Variants in SYNPO2 observed in about 807,000 individuals in gnomAD.
SYNPO2 encodes the protein synaptopodin 2.
SYNPO2 carries 56 observed loss-of-function variants against 85.0 expected under a neutral mutation model. The observed-to-expected ratio is 0.66, with a 90% CI of 0.53 to 0.82. The LOEUF (loss-of-function observed/expected upper bound fraction) is 0.82, where lower values mean the gene tolerates loss of function less well. Among genes scored for constraint, SYNPO2 ranks in the 40% least tolerant of loss-of-function variants. SYNPO2 has a pLI of 0.00. For synonymous variants in SYNPO2, 602 were observed against 591.1 expected (o/e 1.02, Z -0.27); for missense variants, 1,575 against 1,534.2 (o/e 1.03, Z -0.44).
At chr4:118,932,523 T>A (rs1416176791) in intron 1 of SYNPO2, among the ~76,000 whole-genome samples, 4 of 152,188 alleles carry the variant, frequency 2.6e-5, no homozygotes, top group Admixed American at 2.0e-4. Context: ...CTGATTTACA[T>A]TGGCCAACAA....
chr4:118,948,812 C>A (rs1397479845), intron 1 of SYNPO2, among the ~76,000 whole-genome samples: 1 of 152,152 alleles, frequency 6.6e-6, no homozygotes, highest in Non-Finnish European at 1.5e-5. Context: ...TAGGCCCCAC[C>A]TCCAGTTGGG....
At chr4:118,978,121 A>G (rs183180478) in intron 1 of SYNPO2, among the ~76,000 whole-genome samples, 1 of 152,316 alleles carries the variant, frequency 6.6e-6, no homozygotes, top group Non-Finnish European at 1.5e-5. Context: ...ATGGCTTATG[A>G]TGTCATAACT....
intron 1 of SYNPO2, among the ~76,000 whole-genome samples, chr4:118,862,538 G>A (rs187277859): frequency 6.6e-6 from 1 of 152,244 alleles, no homozygotes; most frequent in Admixed American, 6.5e-5. Context: ...ATCATGAAGG[G>A]ATGTTGAATT....
chr4:118,862,306 A>G (rs562644133), intron 1 of SYNPO2, among the ~76,000 whole-genome samples: 6 of 152,130 alleles, frequency 3.9e-5, no homozygotes, highest in African/African-American at 1.4e-4. Flanking sequence ...CCCTTCCAGT[A>G]TGGATGCTCT....
intron 1 of SYNPO2, among the ~76,000 whole-genome samples, chr4:118,892,081 C>G (rs1401155448): frequency 6.6e-6 from 1 of 151,928 alleles, no homozygotes; most frequent in Non-Finnish European, 1.5e-5. Context: ...CGATAAATAT[C>G]CTTATATTGA....
At chr4:119,028,954 A>G (rs992086651) in intron 3 of SYNPO2, among the ~76,000 whole-genome samples, 1 of 151,672 alleles carries the variant, frequency 6.6e-6, no homozygotes, top group Non-Finnish European at 1.5e-5. Context: ...AAAATTTTAA[A>G]TATTTTTATT....
chr4:119,034,344 C>A, intron 4 of SYNPO2: 2 of 975,580 alleles, frequency 2.1e-6, no homozygotes, highest in Non-Finnish European at 2.4e-6. Context: ...ATGGTAATGA[C>A]CCAGAAGTAT....
At chr4:118,958,561 AG>A in intron 1 of SYNPO2, among the ~76,000 whole-genome samples, 1 of 151,956 alleles carries the variant, frequency 6.6e-6, no homozygotes. Flanking sequence ...GCAATGGAGG[AG>A]GGGGGTCAAA....
intron 1 of SYNPO2, among the ~76,000 whole-genome samples, chr4:119,013,408 G>C (rs2149180265): frequency 6.6e-6 from 1 of 152,278 alleles, no homozygotes; most frequent in East Asian, 1.9e-4. Context: ...TTTACCTCAA[G>C]GGAGCATTTG....
intron 1 of SYNPO2, among the ~76,000 whole-genome samples, chr4:118,946,626 G>A (rs1734514277): frequency 6.6e-6 from 1 of 152,174 alleles, no homozygotes; most frequent in Non-Finnish European, 1.5e-5. Context: ...AGCAGTAACT[G>A]ATGATCCCTT....
At chr4:119,009,951 A>G (rs1737228754) in intron 1 of SYNPO2, among the ~76,000 whole-genome samples, 1 of 152,192 alleles carries the variant, frequency 6.6e-6, no homozygotes, top group Non-Finnish European at 1.5e-5. Flanking sequence ...AGGTGATTCC[A>G]TTGCTGATGG....
At chr4:119,017,719 A>G (rs1221123194) in intron 1 of SYNPO2, among the ~76,000 whole-genome samples, 2 of 152,166 alleles carry the variant, frequency 1.3e-5, no homozygotes, top group African/African-American at 4.8e-5. Flanking sequence ...TCAATAGATT[A>G]TAATAGTGGA....
chr4:118,879,073 C>T (rs1012309014), intron 1 of SYNPO2, among the ~76,000 whole-genome samples: 2 of 152,208 alleles, frequency 1.3e-5, no homozygotes, highest in Non-Finnish European at 2.9e-5. Flanking sequence ...GTAACACTCA[C>T]TGTTAAGGTG....
chr4:118,943,786 A>G (rs1439315539), intron 1 of SYNPO2, among the ~76,000 whole-genome samples: 1 of 152,250 alleles, frequency 6.6e-6, no homozygotes, highest in Non-Finnish European at 1.5e-5. Context: ...TCTGACTCTA[A>G]AGGCAATTTT....
At chr4:118,872,593 A>G (rs1731822325) in intron 1 of SYNPO2, among the ~76,000 whole-genome samples, 1 of 152,156 alleles carries the variant, frequency 6.6e-6, no homozygotes, top group South Asian at 2.1e-4. Context: ...TACGCAGATA[A>G]GACTTCTACA....
intron 1 of SYNPO2, among the ~76,000 whole-genome samples, chr4:119,004,796 C>T (rs887046250): frequency 3.4e-4 from 51 of 151,998 alleles, no homozygotes; most frequent in Admixed American, 5.9e-4. Context: ...CCTGAGGAAT[C>T]GCCACACTGA....
Position 118,858,641 on chromosome 4 carries a change from A to G in SYNPO2, c.12+7701A>G, listed in dbSNP as rs947747182. On this transcript the variant is annotated intron_variant, in intron 1 of 4. Coordinates refer to the SYNPO2 transcript ENST00000610556. ...TCCCTCCTTTTTCAATGGCCTCACA[A>G]CTCACCATAGGACAGGTTCCCCTAT... Among the ~76,000 whole-genome samples, 30 of 152,106 alleles carry G rather than the reference A, an allele frequency of 2.0e-4. 1 individual carries two copies. Among genetic ancestry groups the G allele is most frequent in the Non-Finnish European group, 5.9e-5 (4 of 68,020 alleles).
upstream of SYNPO2, among the ~76,000 whole-genome samples, chr4:118,886,727 C>T (rs1196720826): frequency 6.6e-6 from 1 of 152,134 alleles, no homozygotes; most frequent in Non-Finnish European, 1.5e-5. Context: ...TATGATGTCT[C>T]TTGTAACTAT....
Position 119,058,537 on chromosome 4 carries a change from C to A in SYNPO2, c.*603C>A, listed in dbSNP as rs1414667778. 7.8e-6 allele frequency: 1 copy of A among 128,812 alleles called. No homozygotes were observed. The highest frequency in any genetic ancestry group is 1.6e-5 in the Non-Finnish European group (1 of 64,424). The allele number at this position is 128,812 out of a possible 1,614,324, so 8.0% of individuals were successfully genotyped here. A position where few individuals can be genotyped will look rare whatever the true frequency, so the allele number is the denominator to read the frequency against. On this transcript the variant is annotated 3_prime_UTR_variant, in exon 5 of 5. Transcript: ENST00000307142. The stretch of plus-strand genomic sequence containing the variant: ...CCACCCAGTCTGGAGTGCAATGGTG[C>A]GATCTTGGCTCACTGCAACCTGCGC...
Sources: gnomAD v4.1 joint callset for allele counts (sites outside exome capture counted in the v4.1 genomes callset) on GRCh38, gnomAD v4.1.1 for gene constraint, MANE v1.5 for transcripts, NCBI Gene and HGNC (gene_info 2026-07-23, HGNC 2026-07-21) for gene names.